The following KHDRBS2 variants were observed in gnomAD, a reference collection of about 807,000 sequenced individuals.
The protein encoded by KHDRBS2 is KH domain-containing, RNA-binding, signal transduction-associated protein 2.
In KHDRBS2, 26 loss-of-function variants were observed where a neutral mutation model predicts 44.3. The observed-to-expected ratio is 0.59, with a 90% CI of 0.43 to 0.81. KHDRBS2 has a LOEUF of 0.81. Ranked by LOEUF, KHDRBS2 falls within the 40% of genes least tolerant of loss-of-function variation. The pLI is 0.00. For missense variants in KHDRBS2, 476 were observed against 433.1 expected (o/e 1.10, Z -0.88); for synonymous variants, 194 against 151.1 (o/e 1.28, Z -2.08).
At chr6:61,802,988 A>C (rs1786528903) in intron 6 of KHDRBS2, among the ~76,000 whole-genome samples, 1 of 152,190 alleles carries the variant, frequency 6.6e-6, no homozygotes, top group African/African-American at 2.4e-5. Flanking sequence ...TATCTTGAAA[A>C]TTTATGGGGA....
At chr6:61,900,770 A>G (rs1803832214) in intron 5 of KHDRBS2, among the ~76,000 whole-genome samples, 1 of 152,162 alleles carries the variant, frequency 6.6e-6, no homozygotes, top group Admixed American at 6.5e-5. Context: ...GACTATATCA[A>G]TTCAAGAACC....
chr6:62,026,758 C>T (rs1448516056), intron 3 of KHDRBS2, among the ~76,000 whole-genome samples: 1 of 152,066 alleles, frequency 6.6e-6, no homozygotes, highest in East Asian at 1.9e-4. Flanking sequence ...TAAAAAGTTA[C>T]TGGTTCACAT....
At chr6:61,838,456 T>C (rs1793067678) in intron 6 of KHDRBS2, among the ~76,000 whole-genome samples, 2 of 152,028 alleles carry the variant, frequency 1.3e-5, no homozygotes, top group Admixed American at 6.6e-5. Context: ...ATTTCTTCTA[T>C]GTACAATTTA....
chr6:62,113,496 T>G (rs1194904120), intron 2 of KHDRBS2, among the ~76,000 whole-genome samples: 1 of 152,140 alleles, frequency 6.6e-6, no homozygotes, highest in Non-Finnish European at 1.5e-5. Context: ...TATTGCTTTG[T>G]TTTGATCTAA....
At chr6:62,124,586 TACACACACACAC>T (rs57845781) in intron 2 of KHDRBS2, among the ~76,000 whole-genome samples, 1 of 145,004 alleles carries the variant, frequency 6.9e-6, no homozygotes, top group Non-Finnish European at 1.5e-5. Context: ...TGAACTATAC[TACACACACACAC>T]ACACACACAC....
intron 2 of KHDRBS2, among the ~76,000 whole-genome samples, chr6:62,145,302 T>C (rs1813693512): frequency 6.6e-6 from 1 of 151,668 alleles, no homozygotes. Context: ...TATCAGTTCA[T>C]GAATTAATAA....
chr6:61,963,957 C>A (rs560200884), intron 4 of KHDRBS2, among the ~76,000 whole-genome samples: 4 of 152,000 alleles, frequency 2.6e-5, no homozygotes, highest in Non-Finnish European at 4.4e-5. Context: ...AACAAAAAGA[C>A]AACTTTTAAG....
At chr6:62,284,497 T>C (rs1016331206) in intron 1 of KHDRBS2, among the ~76,000 whole-genome samples, 7 of 152,110 alleles carry the variant, frequency 4.6e-5, no homozygotes, top group African/African-American at 9.7e-5. Context: ...TTGTCTTTTT[T>C]GGGAAAGTAA....
chr6:61,973,124 ACT>A (rs1771782366), intron 4 of KHDRBS2, among the ~76,000 whole-genome samples: 1 of 152,118 alleles, frequency 6.6e-6, no homozygotes, highest in East Asian at 1.9e-4. Flanking sequence ...AGAGAGTGAG[ACT>A]CTGTCTCAAA....
chr6:62,257,710 CA>C (rs1489284321), intron 1 of KHDRBS2, among the ~76,000 whole-genome samples: 1 of 151,982 alleles, frequency 6.6e-6, no homozygotes, highest in Admixed American at 6.6e-5. Flanking sequence ...CCTTCAGCCA[CA>C]TATTTCCCTC....
At chr6:61,954,550 GTA>G (rs1322839903) in intron 4 of KHDRBS2, among the ~76,000 whole-genome samples, 1 of 145,630 alleles carries the variant, frequency 6.9e-6, no homozygotes, top group African/African-American at 2.5e-5. Flanking sequence ...ACATATATAT[GTA>G]TATATACACA....
intron 6 of KHDRBS2, among the ~76,000 whole-genome samples, chr6:61,804,837 G>A (rs1786878709): frequency 6.6e-6 from 1 of 152,146 alleles, no homozygotes; most frequent in Admixed American, 6.6e-5. Flanking sequence ...TAAACCATTT[G>A]TTTCGTCTTA....
At chr6:62,166,326 T>C (rs191024862) in intron 2 of KHDRBS2, among the ~76,000 whole-genome samples, 2 of 152,176 alleles carry the variant, frequency 1.3e-5, no homozygotes, top group East Asian at 3.9e-4. Flanking sequence ...AGTTTTCCAA[T>C]TGGTATTCAC....
At chr6:62,055,819 A>G (rs1199903941) in intron 2 of KHDRBS2, among the ~76,000 whole-genome samples, 3 of 151,994 alleles carry the variant, frequency 2.0e-5, no homozygotes, top group South Asian at 2.1e-4. Context: ...ATTGGAGTCC[A>G]TTATTCCTCG....
chr6:61,821,397 G>A (rs1441150543), intron 6 of KHDRBS2, among the ~76,000 whole-genome samples: 1 of 151,960 alleles, frequency 6.6e-6, no homozygotes, highest in Non-Finnish European at 1.5e-5. Context: ...GTCCTCTGTA[G>A]AACTTGTGTA....
rs540412260 is a variant in KHDRBS2 at position 61,924,475 on chromosome 6, A to T, written c.484-23104T>A. 1.6e-3 allele frequency among the ~76,000 whole-genome samples: 240 copies of T among 151,820 alleles called. 7 individuals carry two copies. The South Asian group carries it at 0.046, about 29-fold the overall frequency. ...TAATCAGGTTACAATAAGTCAAATT[A>T]AAAAATTAATTTTAGTTACTTCTTT... On this transcript the variant is annotated intron_variant, in intron 4 of 8. Transcript: ENST00000281156.
At chr6:62,079,222 T>C in intron 2 of KHDRBS2, among the ~76,000 whole-genome samples, 1 of 152,176 alleles carries the variant, frequency 6.6e-6, no homozygotes, top group South Asian at 2.1e-4. Flanking sequence ...TTTTGTCTCT[T>C]ATTTTAAATG....
intron 6 of KHDRBS2, among the ~76,000 whole-genome samples, chr6:61,774,527 G>T (rs1469867751): frequency 6.6e-6 from 1 of 152,092 alleles, no homozygotes; most frequent in African/African-American, 2.4e-5. Context: ...GCCAAATCAG[G>T]AGTGAACTCC....
At chr6:61,904,992 T>A (rs1285017751) in intron 4 of KHDRBS2, among the ~76,000 whole-genome samples, 1 of 152,250 alleles carries the variant, frequency 6.6e-6, no homozygotes. Flanking sequence ...CCATTCAACA[T>A]ACTTTATACT....
Sources: gnomAD v4.1 joint callset for allele counts (sites outside exome capture counted in the v4.1 genomes callset) on GRCh38, gnomAD v4.1.1 for gene constraint, MANE v1.5 for transcripts, NCBI Gene and HGNC (gene_info 2026-07-23, HGNC 2026-07-21) for gene names.